CHST8: variants seen among roughly 807,000 people sequenced by gnomAD.
CHST8 encodes the protein GALNAC-4-ST1.
In CHST8, 10 loss-of-function variants were observed where a neutral mutation model predicts 15.0. The observed-to-expected ratio is 0.67, with a 90% CI of 0.41 to 1.13. The LOEUF is 1.13. Among genes scored for constraint, CHST8 ranks in the 50% most tolerant of loss-of-function variants. The pLI is 0.00. For missense variants in CHST8, 634 were observed against 608.2 expected, an observed-to-expected ratio of 1.04 and a Z score of -0.45; for synonymous variants, 259 against 256.6, an observed-to-expected ratio of 1.01 and a Z score of -0.09.
intron 1 of CHST8, among the ~76,000 whole-genome samples, chr19:33,647,321 G>A (rs1972367245): frequency 6.6e-6 from 1 of 152,200 alleles, no homozygotes; most frequent in Admixed American, 6.5e-5. Context: ...AGCCAAGTGA[G>A]GAAAGTGCAC....
chr19:33,745,113 G>A (rs1187806585), intron 3 of CHST8, among the ~76,000 whole-genome samples: 3 of 152,102 alleles, frequency 2.0e-5, no homozygotes, highest in Non-Finnish European at 4.4e-5. Context: ...TTGAGCTCCA[G>A]CCTTAAAGAC....
intron 2 of CHST8, among the ~76,000 whole-genome samples, chr19:33,682,192 T>G (rs1403470361): frequency 1.8e-4 from 26 of 142,750 alleles, no homozygotes; most frequent in Middle Eastern, 3.5e-3. Context: ...TTGTTGTTTT[T>G]TTTTTTTTTT....
chr19:33,734,291 A>T (rs955180449), intron 3 of CHST8, among the ~76,000 whole-genome samples: 1 of 152,248 alleles, frequency 6.6e-6, no homozygotes. Flanking sequence ...AAGGAGAGGC[A>T]TGAATAATCC....
At chr19:33,768,668 A>G (rs1974903564) in intron 3 of CHST8, among the ~76,000 whole-genome samples, 4 of 152,046 alleles carry the variant, frequency 2.6e-5, no homozygotes, top group Admixed American at 1.3e-4. Flanking sequence ...TGGCCAGGCT[A>G]GTCTCGAACT....
At chr19:33,750,055 G>A (rs192561044) in intron 3 of CHST8, among the ~76,000 whole-genome samples, 13 of 152,316 alleles carry the variant, frequency 8.5e-5, no homozygotes, top group Admixed American at 2.0e-4. Context: ...GCCCTGAGAC[G>A]GGCCAGAGGC....
intron 1 of CHST8, among the ~76,000 whole-genome samples, chr19:33,663,489 C>T (rs1029024305): frequency 5.9e-5 from 9 of 152,176 alleles, no homozygotes; most frequent in African/African-American, 1.9e-4. Context: ...CACCTGAGCC[C>T]AGGAAGTCAA....
chr19:33,625,710 A>G (rs1972043720), intron 1 of CHST8, among the ~76,000 whole-genome samples: 2 of 151,950 alleles, frequency 1.3e-5, no homozygotes, highest in Admixed American at 6.6e-5. Context: ...AAAAAGACAA[A>G]AATTAGCCGG....
intron 3 of CHST8, among the ~76,000 whole-genome samples, chr19:33,733,032 ACAGAACT>A (rs1261467173): frequency 1.3e-5 from 2 of 152,022 alleles, no homozygotes; most frequent in African/African-American, 4.8e-5. Flanking sequence ...TGGCTGCATG[ACAGAACT>A]CAATCTCCAA....
At chr19:33,751,252 C>T (rs573986145) in intron 3 of CHST8, among the ~76,000 whole-genome samples, 4 of 152,326 alleles carry the variant, frequency 2.6e-5, no homozygotes, top group African/African-American at 9.6e-5. Context: ...TCAGGATTCA[C>T]GGCTTGGCTC....
At chr19:33,714,516 G>A (rs551584799) in intron 3 of CHST8, among the ~76,000 whole-genome samples, 11 of 151,956 alleles carry the variant, frequency 7.2e-5, no homozygotes, top group South Asian at 2.1e-4. Flanking sequence ...AGAGGGGCAC[G>A]GGGGAGGAAA....
At chr19:33,646,415 T>A (rs1399229238) in intron 1 of CHST8, among the ~76,000 whole-genome samples, 1 of 152,224 alleles carries the variant, frequency 6.6e-6, no homozygotes, top group African/African-American at 2.4e-5. Context: ...TGGCACCAGC[T>A]GGTCCATGGG....
intron 3 of CHST8, among the ~76,000 whole-genome samples, chr19:33,737,151 G>A (rs1244372880): frequency 3.3e-5 from 5 of 152,176 alleles, no homozygotes; most frequent in African/African-American, 4.8e-5. Context: ...TAATCTACCC[G>A]TTATTTAGCA....
intron 2 of CHST8, among the ~76,000 whole-genome samples, chr19:33,674,065 C>T (rs1221086194): frequency 6.6e-6 from 1 of 152,206 alleles, no homozygotes; most frequent in Non-Finnish European, 1.5e-5. Flanking sequence ...TTTCTCCTCA[C>T]TTCTGTCAGT....
At position 33,764,137 on chromosome 19, in the gene CHST8, T is replaced by G. The variant is rs562179920; in HGVS notation, c.131-7276T>G. Among the ~76,000 whole-genome samples, 5 of 152,330 alleles carry G rather than the reference T, an allele frequency of 3.3e-5. No individual in the cohort carries two copies. In the East Asian group the frequency reaches 9.7e-4, roughly 29 times the overall value. On this transcript the variant is annotated intron_variant, in intron 3 of 4. Transcript: ENST00000650847. ...CTGGGAAGCCCCATACCCTTCCTCA[T>G]GTCCAAGGCCAGCTCTCAGTCCAGA...
chr19:33,631,540 A>T (rs1416318983), intron 1 of CHST8, among the ~76,000 whole-genome samples: 1 of 152,038 alleles, frequency 6.6e-6, no homozygotes, highest in Non-Finnish European at 1.5e-5. Context: ...TTTAGCGAGG[A>T]TTACCACCTT....
intron 3 of CHST8, among the ~76,000 whole-genome samples, chr19:33,712,220 C>T (rs1176550231): frequency 6.6e-6 from 1 of 152,230 alleles, no homozygotes; most frequent in Non-Finnish European, 1.5e-5. Flanking sequence ...TTAATCACTT[C>T]CCGTTCACCC....
chr19:33,638,052 C>T (rs540189468), intron 1 of CHST8, among the ~76,000 whole-genome samples: 8 of 151,934 alleles, frequency 5.3e-5, no homozygotes, highest in East Asian at 2.0e-4. Context: ...GTTTCCTGGG[C>T]GACTGTGTGA....
chr19:33,694,304 T>A (rs374380837), intron 3 of CHST8, among the ~76,000 whole-genome samples: 4 of 149,726 alleles, frequency 2.7e-5, no homozygotes, highest in African/African-American at 9.9e-5. Context: ...GAGTTTTCTT[T>A]AAGTGGGGCT....
At chr19:33,754,560 C>T (rs1426459548) in intron 3 of CHST8, among the ~76,000 whole-genome samples, 1 of 152,200 alleles carries the variant, frequency 6.6e-6, no homozygotes, top group Non-Finnish European at 1.5e-5. Context: ...AGAGGAGGCT[C>T]ATCCTCTCCC....
Sources: gnomAD v4.1 joint callset for allele counts (sites outside exome capture counted in the v4.1 genomes callset) on GRCh38, gnomAD v4.1.1 for gene constraint, MANE v1.5 for transcripts, NCBI Gene and HGNC (gene_info 2026-07-23, HGNC 2026-07-21) for gene names.